DOCK4: variants seen among roughly 807,000 people sequenced by gnomAD.
The protein encoded by DOCK4 is dedicator of cytokinesis 4.
Under a neutral mutation model 268.1 loss-of-function variants are expected in DOCK4, and 97 were observed. The ratio of observed to expected loss-of-function variants is 0.36; its 90% CI spans 0.31 to 0.43. The LOEUF (loss-of-function observed/expected upper bound fraction) is 0.43. Among genes scored for constraint, DOCK4 ranks in the 20% least tolerant of loss-of-function variants. The pLI, the probability that DOCK4 is intolerant of heterozygous loss-of-function variation, is 1.00. For missense variants in DOCK4, 2,145 were observed against 2,455.7 expected, an observed-to-expected ratio of 0.87 and a Z score of 2.67; for synonymous variants, 954 against 887.2, an observed-to-expected ratio of 1.08 and a Z score of -1.34.
At chr7:111,928,956 A>G (rs1046573124) in intron 12 of DOCK4, among the ~76,000 whole-genome samples, 3 of 152,222 alleles carry the variant, frequency 2.0e-5, no homozygotes, top group Non-Finnish European at 2.9e-5. Context: ...TGCAGATTAG[A>G]TAACAGTATT....
chr7:111,818,136 C>G (rs567062872), intron 27 of DOCK4, among the ~76,000 whole-genome samples: 1 of 152,320 alleles, frequency 6.6e-6, no homozygotes, highest in East Asian at 1.9e-4. Flanking sequence ...ACTTCCTGAC[C>G]TTTAAAATGT....
intron 1 of DOCK4, among the ~76,000 whole-genome samples, chr7:112,171,298 T>C (rs1818058999): frequency 6.6e-6 from 1 of 152,218 alleles, no homozygotes; most frequent in Non-Finnish European, 1.5e-5. Flanking sequence ...ACAATCTGCT[T>C]CACAGAATAG....
At chr7:112,103,062 CACATGTCTG>C (rs1563086849) in intron 1 of DOCK4, among the ~76,000 whole-genome samples, 1 of 152,164 alleles carries the variant, frequency 6.6e-6, no homozygotes, top group African/African-American at 2.4e-5. Context: ...TTGACTTGTC[CACATGTCTG>C]ACATGTCTGA....
intron 1 of DOCK4, among the ~76,000 whole-genome samples, chr7:112,110,113 C>G (rs1361900532): frequency 6.6e-6 from 1 of 152,068 alleles, no homozygotes; most frequent in Non-Finnish European, 1.5e-5. Context: ...TCAGAGAAGC[C>G]AAAGGGCTGC....
intron 11 of DOCK4, among the ~76,000 whole-genome samples, chr7:111,936,291 C>T (rs1015171897): frequency 1.3e-5 from 2 of 152,172 alleles, no homozygotes; most frequent in Non-Finnish European, 2.9e-5. Flanking sequence ...GGCATCTCTC[C>T]GTCTTTTCAC....
intron 1 of DOCK4, among the ~76,000 whole-genome samples, chr7:112,061,702 T>C (rs1210632873): frequency 2.6e-5 from 4 of 151,556 alleles, no homozygotes; most frequent in African/African-American, 9.7e-5. Flanking sequence ...CCAAATTCTA[T>C]TTTGTGGAAA....
chr7:111,787,025 C>T (rs1046951091), intron 32 of DOCK4, among the ~76,000 whole-genome samples: 1 of 151,944 alleles, frequency 6.6e-6, no homozygotes, highest in African/African-American at 2.4e-5. Flanking sequence ...TAAAATAGTC[C>T]TGATTATAGA....
intron 49 of DOCK4, among the ~76,000 whole-genome samples, chr7:111,738,187 G>C (rs534142312): frequency 6.6e-6 from 1 of 152,322 alleles, no homozygotes; most frequent in South Asian, 2.1e-4. Flanking sequence ...CAAGGGCTGA[G>C]CCCAAGCCTC....
intron 10 of DOCK4, among the ~76,000 whole-genome samples, chr7:111,942,322 C>G (rs927951368): frequency 2.6e-5 from 4 of 152,162 alleles, no homozygotes; most frequent in African/African-American, 7.2e-5. Context: ...CTGCTTTCTG[C>G]AGCCAGTGAT....
chr7:111,846,936 T>C, intron 24 of DOCK4, 63 bp downstream of exon 24: 1 of 1,544,544 alleles, frequency 6.5e-7, no homozygotes, highest in South Asian at 1.3e-5. Flanking sequence ...TTGTAGACTA[T>C]TACAAGTTTA....
intron 25 of DOCK4, among the ~76,000 whole-genome samples, chr7:111,837,350 C>T (rs1803314970): frequency 6.6e-6 from 1 of 152,080 alleles, no homozygotes; most frequent in Admixed American, 6.6e-5. Flanking sequence ...ACTTTTCAAA[C>T]CTCCCAAAGC....
At chr7:111,987,673 A>G (rs1799155716) in intron 6 of DOCK4, among the ~76,000 whole-genome samples, 1 of 152,116 alleles carries the variant, frequency 6.6e-6, no homozygotes. Flanking sequence ...GTCATCCTGG[A>G]GCTGAAAGCG....
intron 15 of DOCK4, among the ~76,000 whole-genome samples, chr7:111,898,307 C>T (rs1168602289): frequency 6.6e-6 from 1 of 152,220 alleles, no homozygotes; most frequent in African/African-American, 2.4e-5. Flanking sequence ...ACAGAATAGT[C>T]TCAATGGCTC....
At chr7:111,914,219 C>T (rs1792393947) in intron 13 of DOCK4, among the ~76,000 whole-genome samples, 1 of 152,110 alleles carries the variant, frequency 6.6e-6, no homozygotes, top group Non-Finnish European at 1.5e-5. Context: ...CTCTCGCCAT[C>T]TCCACTGCTA....
chr7:111,908,892 T>C (rs188309373), intron 13 of DOCK4, among the ~76,000 whole-genome samples: 4 of 152,344 alleles, frequency 2.6e-5, no homozygotes, highest in African/African-American at 9.6e-5. Flanking sequence ...TAGTATTCCA[T>C]GGTGTATATG....
At chr7:111,777,029 C>T (rs769657365) in intron 36 of DOCK4, among the ~76,000 whole-genome samples, 23 of 151,976 alleles carry the variant, frequency 1.5e-4, no homozygotes, top group African/African-American at 2.4e-4. Flanking sequence ...ACATTTTCCA[C>T]GCTGGTCTGT....
intron 1 of DOCK4, among the ~76,000 whole-genome samples, chr7:112,065,780 T>A (rs1443796246): frequency 6.6e-6 from 1 of 152,060 alleles, no homozygotes; most frequent in Non-Finnish European, 1.5e-5. Context: ...TCATGACAGT[T>A]TCTTTTCCTC....
intron 1 of DOCK4, among the ~76,000 whole-genome samples, chr7:112,155,628 C>T (rs1334683684): frequency 2.0e-5 from 3 of 152,172 alleles, no homozygotes; most frequent in African/African-American, 7.2e-5. Context: ...TATTCAAGTC[C>T]TCTTCCCCTC....
chr7:112,111,571 T>C (rs1001653953), intron 1 of DOCK4, among the ~76,000 whole-genome samples: 2 of 152,170 alleles, frequency 1.3e-5, no homozygotes, highest in Non-Finnish European at 2.9e-5. Flanking sequence ...TAATTTCTAT[T>C]TTTCATATTT....
Sources: allele counts gnomAD v4.1 joint callset (sites outside exome capture counted in the v4.1 genomes callset), GRCh38; gene constraint gnomAD v4.1.1; transcripts MANE v1.5; gene names NCBI Gene and HGNC (gene_info 2026-07-23, HGNC 2026-07-21).